Variants in CUL5 observed in about 807,000 individuals in gnomAD.
The protein encoded by CUL5 is cullin 5.
CUL5 carries 26 observed loss-of-function variants against 108.8 expected under a neutral mutation model. The observed-to-expected ratio is 0.24, with a 90% CI of 0.18 to 0.33. CUL5 has a LOEUF of 0.33. Among genes scored for constraint, CUL5 ranks in the 10% least tolerant of loss-of-function variants. The probability of loss-of-function intolerance (pLI) is 1.00; values close to 1 mark genes in which losing one functional copy is unlikely to be tolerated. For synonymous variants in CUL5, 334 were observed against 298.0 expected (o/e 1.12, Z -1.25); for missense variants, 524 against 909.2 (o/e 0.58, Z 5.45).
chr11:108,033,006 C>T (rs914372717), intron 1 of CUL5, among the ~76,000 whole-genome samples: 2 of 152,114 alleles, frequency 1.3e-5, no homozygotes, highest in African/African-American at 4.8e-5. Context: ...TTCCCAAAAC[C>T]ACTCTCAGGT....
intron 1 of CUL5, among the ~76,000 whole-genome samples, chr11:108,019,549 A>G (rs896074008): frequency 6.6e-6 from 1 of 152,180 alleles, no homozygotes; most frequent in Non-Finnish European, 1.5e-5. Flanking sequence ...GAGCTAAAAA[A>G]TTCCTATTGT....
chr11:108,059,500 G>A (rs1000244269), intron 7 of CUL5, among the ~76,000 whole-genome samples: 15 of 152,142 alleles, frequency 9.9e-5, no homozygotes, highest in South Asian at 2.1e-4. Flanking sequence ...ATTAGATGAG[G>A]ATTTGAATCC....
chr11:108,089,515 G>T lies in CUL5; in HGVS notation c.1335G>T (p.Gln445His). 1 of 1,560,588 alleles carries T rather than the reference G, an allele frequency of 6.4e-7. No individual in the cohort carries two copies. The highest frequency in any genetic ancestry group is 1.2e-5 in the South Asian group (1 of 81,700). ...AGCTCTTGGTACTTAAGTATGTACA[G>T]AACAAAGATGTTTTTATGAGGTATC... ...KEVLLVLKYV[Q>H]NKDVFMRYHK... The change falls in exon 13 of 19, where the codon CAG (glutamine) becomes CAT (histidine). Residue 445 changes from glutamine (Q) to histidine (H), a missense_variant. Transcript: ENST00000393094.
intron 7 of CUL5, among the ~76,000 whole-genome samples, chr11:108,063,461 A>AAGGT (rs1863595276): frequency 6.6e-6 from 1 of 152,034 alleles, no homozygotes; most frequent in Non-Finnish European, 1.5e-5. Context: ...GGTGGACAGT[A>AAGGT]AGGTTCCTTC....
intron 1 of CUL5, among the ~76,000 whole-genome samples, chr11:108,030,231 C>G (rs1230502362): frequency 6.6e-6 from 1 of 152,240 alleles, no homozygotes; most frequent in African/African-American, 2.4e-5. Context: ...TGCGAAGTTA[C>G]TTACGTGATT....
chr11:108,104,048 A>G, intron 18 of CUL5, 142 bp from the exon 19 acceptor site: 1 of 564,456 alleles, frequency 1.8e-6, no homozygotes, highest in South Asian at 2.5e-5. Flanking sequence ...TACTAGTCTC[A>G]ACATTAATCC....
chr11:108,041,609 A>C (rs1221605667), intron 2 of CUL5, among the ~76,000 whole-genome samples: 1 of 134,476 alleles, frequency 7.4e-6, no homozygotes, highest in Non-Finnish European at 1.6e-5. Context: ...TTTCTTTTTT[A>C]GACAAAGTTT....
chr11:108,034,665 T>C (rs944977803), intron 2 of CUL5, among the ~76,000 whole-genome samples: 7 of 152,116 alleles, frequency 4.6e-5, no homozygotes, highest in South Asian at 2.1e-4. Context: ...TCAGGACTAG[T>C]TGTGAAAAGC....
At chr11:108,058,245 C>CT (rs771714382) in intron 7 of CUL5, among the ~76,000 whole-genome samples, 15,737 of 99,954 alleles carry the variant, frequency 0.16, 1,736 homozygotes, top group East Asian at 0.3. Flanking sequence ...TGAAGAGTGC[C>CT]TTTTTTTTTT....
At chr11:108,091,691 T>TCACACACA (rs1170721478) in intron 13 of CUL5, among the ~76,000 whole-genome samples, 6 of 59,764 alleles carry the variant, frequency 1.0e-4, no homozygotes, top group African/African-American at 1.6e-4. Flanking sequence ...CCTGTCTCTC[T>TCACACACA]CACTCACACA....
In CUL5 at chr11:108,036,262, T is replaced by C. The variant is rs542025002; in HGVS notation, c.134+2351T>C. The stretch of plus-strand genomic sequence containing the variant: ...GTAAATATCATCCATTGTGGAGATT[T>C]ATTCTGCTCCCAATACTCAGAGAGT... On this transcript the variant is annotated intron_variant, in intron 2 of 18. Transcript: ENST00000393094. Among the ~76,000 whole-genome samples, 49 of 152,354 alleles carry C rather than the reference T, an allele frequency of 3.2e-4. 2 individuals are homozygous for C. The South Asian group carries it at 9.9e-3, about 31-fold the overall frequency.
Position 108,072,402 on chromosome 11 carries a change from G to A in CUL5, c.945G>A (p.Glu315=). The change falls in exon 9 of 19, where the codon GAG becomes GAA. Residue 315 remains glutamate (E), a synonymous_variant. Coordinates refer to ENST00000393094, the MANE Select transcript of CUL5 (RefSeq NM_003478.6). ...NGIEPMLKDL[E]EHIISAGLAD... is the part of the protein sequence containing the mutation. ...TAGAGCCAATGTTGAAAGACTTGGA[G>A]GAACATATCATTAGTGCTGGCCTGG... is the stretch of plus-strand genomic sequence containing the variant. The A allele has an allele frequency of 6.2e-7, 1 of 1,612,438 alleles. No individual in the cohort carries two copies. The highest frequency in any genetic ancestry group is 1.1e-5 in the South Asian group (1 of 90,876).
In CUL5 at chr11:108,050,033, A is replaced by G; in HGVS notation, c.378A>G (p.Lys126=). ...TAATGGGTAAACAGGGCAGCAATAA[A>G]AAATCAAATGTGGAAGACAGTATTG... The part of the protein sequence containing the change: ...ITLMGKQGSN[K]KSNVEDSIVR... The change falls in exon 4 of 19, where the codon AAA becomes AAG. Residue 126 remains lysine (K), a synonymous_variant. Coordinates refer to ENST00000393094, the MANE Select transcript of CUL5 (RefSeq NM_003478.6). 1 of 1,612,894 alleles carries G rather than the reference A, an allele frequency of 6.2e-7. No homozygotes were observed. The highest frequency in any genetic ancestry group is 2.2e-5 in the East Asian group (1 of 44,796).
rs1192698037 is a variant in CUL5 at position 108,019,956 on chromosome 11, G to A, written c.24+10584G>A. Among the ~76,000 whole-genome samples, 5 of 152,040 alleles carry A rather than the reference G, an allele frequency of 3.3e-5. No individual in the cohort carries two copies. In the South Asian group the frequency reaches 6.2e-4, roughly 19 times the overall value. ...GGCAAGAAAGGAAGCAAGAGAGTGG[G>A]GAGAGGTACCAGGCTCTTTTTAACA... On this transcript the variant is annotated intron_variant, in intron 1 of 18. Coordinates refer to ENST00000393094, the MANE Select transcript of CUL5 (RefSeq NM_003478.6).
At chr11:108,065,081 A>G (rs1324013649) in intron 7 of CUL5, among the ~76,000 whole-genome samples, 1 of 151,966 alleles carries the variant, frequency 6.6e-6, no homozygotes, top group Non-Finnish European at 1.5e-5. Context: ...GCTGGAGTGC[A>G]GTGGCATGAT....
At chr11:108,076,331 GC>G (rs941684265) in intron 10 of CUL5, among the ~76,000 whole-genome samples, 5 of 152,228 alleles carry the variant, frequency 3.3e-5, no homozygotes, top group African/African-American at 1.2e-4. Context: ...ACCATGCCCA[GC>G]CCAGTATAAT....
chr11:108,049,829 A>G (rs911289273), intron 3 of CUL5, 61 bp from the exon 4 acceptor site: 1 of 1,333,968 alleles, frequency 7.5e-7, no homozygotes, highest in African/African-American at 1.5e-5. Flanking sequence ...TGGCATGAAT[A>G]TGTTCTTAAT....
chr11:108,042,218 C>CTTTTTT (rs11440201), intron 2 of CUL5, among the ~76,000 whole-genome samples: 4 of 124,074 alleles, frequency 3.2e-5, no homozygotes, highest in South Asian at 2.6e-4. Flanking sequence ...ATCCACAATT[C>CTTTTTT]TTTTTTTTTT....
At chr11:108,047,324 G>A (rs148114589) in intron 3 of CUL5, among the ~76,000 whole-genome samples, 41 of 152,012 alleles carry the variant, frequency 2.7e-4, no homozygotes, top group African/African-American at 9.6e-4. Context: ...TCAAAAAAAG[G>A]CAAAAAAACA....
Sources: allele counts gnomAD v4.1 joint callset (sites outside exome capture counted in the v4.1 genomes callset), GRCh38; gene constraint gnomAD v4.1.1; transcripts MANE v1.5; gene names NCBI Gene and HGNC (gene_info 2026-07-23, HGNC 2026-07-21).